The following IGF2R variants were observed in gnomAD, a reference collection of about 807,000 sequenced individuals.
IGF2R encodes cation-independent mannose-6-phosphate receptor.
Under a neutral mutation model 270.6 loss-of-function variants are expected in IGF2R, and 91 were observed. That is an observed-to-expected ratio of 0.34 (90% CI 0.28 to 0.40). IGF2R has a LOEUF of 0.40. Among genes scored for constraint, IGF2R ranks in the 10% least tolerant of loss-of-function variants. IGF2R has a pLI of 1.00. For missense variants in IGF2R, 2,805 were observed against 3,188.3 expected (o/e 0.88, Z 2.90); for synonymous variants, 1,316 against 1,258.9 (o/e 1.05, Z -0.96).
At chr6:159,991,153 A>G (rs1357731100) in intron 1 of IGF2R, 31 bp from the exon 2 acceptor site, 1 of 1,580,320 alleles carries the variant, frequency 6.3e-7, no homozygotes, top group Non-Finnish European at 8.6e-7. Context: ...TAAATCAGTG[A>G]CATTGACAAG....
chr6:160,078,972 A>C (rs2115281101), intron 37 of IGF2R, among the ~76,000 whole-genome samples: 1 of 152,248 alleles, frequency 6.6e-6, no homozygotes, highest in Middle Eastern at 3.4e-3. Flanking sequence ...CTAGATATCT[A>C]GATGTTACCA....
At chr6:159,986,755 T>G (rs1279116546) in intron 1 of IGF2R, among the ~76,000 whole-genome samples, 1 of 145,828 alleles carries the variant, frequency 6.9e-6, no homozygotes, top group African/African-American at 2.5e-5. Context: ...TTTTTTTTTC[T>G]GTTGGCTTTT....
chr6:160,054,483 C>T (rs1237711981), intron 19 of IGF2R, among the ~76,000 whole-genome samples: 1 of 152,020 alleles, frequency 6.6e-6, no homozygotes, highest in Non-Finnish European at 1.5e-5. Context: ...GTTGTCAGAA[C>T]CACAAAAAGG....
Position 160,048,426 on chromosome 6 carries a change from C to T in IGF2R, c.2397C>T (p.Asn799=). The part of the protein sequence containing the change: ...GLGGNWYAMD[N]SGEHVTWRKY... The stretch of plus-strand genomic sequence containing the variant: ...GAGGAAACTGGTATGCCATGGACAA[C>T]TCAGGGGAACATGTCACGTGGAGGA... Residue 799 remains asparagine, a synonymous_variant, in exon 18 of 48, where the codon AAC becomes AAT. Transcript: ENST00000356956. 4 of 1,614,228 alleles carry T rather than the reference C, an allele frequency of 2.5e-6. No individual in the cohort carries two copies. Among genetic ancestry groups the T allele is most frequent in the Non-Finnish European group, 3.4e-6 (4 of 1,180,030 alleles).
At chr6:160,089,047 G>A (rs540218615) in intron 42 of IGF2R, 60 bp from the exon 43 acceptor site, 4 of 1,556,086 alleles carry the variant, frequency 2.6e-6, no homozygotes, top group Non-Finnish European at 3.5e-6. Context: ...TCATTGTTTT[G>A]CAGTCTTCCC....
chr6:160,021,842 A>G (rs1421858086), intron 4 of IGF2R, among the ~76,000 whole-genome samples: 1 of 152,204 alleles, frequency 6.6e-6, no homozygotes, highest in Non-Finnish European at 1.5e-5. Context: ...AAAGAACTAA[A>G]AATAGAACTA....
rs1391406550 is a variant in IGF2R at position 160,104,933 on chromosome 6, C to A, written c.7325C>A (p.Ala2442Asp). Reference protein sequence around the residue: ...SHPVRNAQSNALQEREDDRVG... With the variant: ...SHPVRNAQSNDLQEREDDRVG... ...CCAGTGAGAAACGCACAGAGCAATGCCCTTCAGGAGCGTGAGGACGATAGG... is the reference window on the plus strand; with the variant it reads ...CCAGTGAGAAACGCACAGAGCAATGACCTTCAGGAGCGTGAGGACGATAGG... The change falls in exon 48 of 48, where the codon GCC (alanine) becomes GAC (aspartate). Residue 2442 changes from alanine to aspartate, a missense_variant. This residue lies in a region of IGF2R where 1,851 missense variants were observed against 2,207.2 expected (regional missense o/e 0.84). Transcript: ENST00000356956. 8 of 1,614,114 alleles carry A rather than the reference C, an allele frequency of 5.0e-6. No individual in the cohort carries two copies. The East Asian group carries it at 1.6e-4, about 31-fold the overall frequency.
At chr6:160,075,773 A>G in intron 35 of IGF2R, 74 bp from the exon 36 acceptor site, 2 of 1,508,744 alleles carry the variant, frequency 1.3e-6, no homozygotes, top group Non-Finnish European at 1.8e-6. Context: ...GCAATTCTGT[A>G]TCAATTCTTA....
intron 41 of IGF2R, among the ~76,000 whole-genome samples, chr6:160,086,372 G>A (rs1157283919): frequency 6.6e-6 from 1 of 152,178 alleles, no homozygotes; most frequent in East Asian, 1.9e-4. Flanking sequence ...AGCATCTAAG[G>A]ACAACCACGG....
chr6:159,988,803 C>T (rs576600399), intron 1 of IGF2R, among the ~76,000 whole-genome samples: 3 of 152,208 alleles, frequency 2.0e-5, no homozygotes, highest in South Asian at 4.2e-4. Context: ...CTGGAATATA[C>T]ACTCCGAGAG....
At chr6:160,017,039 CTAGT>C (rs1164530472) in intron 4 of IGF2R, among the ~76,000 whole-genome samples, 10 of 152,032 alleles carry the variant, frequency 6.6e-5, no homozygotes, top group African/African-American at 2.2e-4. Context: ...GCTTGAAATA[CTAGT>C]TAAAGAATTC....
At chr6:159,972,706 G>C (rs1336938931) in intron 1 of IGF2R, among the ~76,000 whole-genome samples, 1 of 152,248 alleles carries the variant, frequency 6.6e-6, no homozygotes, top group Non-Finnish European at 1.5e-5. Context: ...ATGGGGTGCG[G>C]TTCCTGGTGC....
At chr6:160,022,251 G>A (rs778185052) in intron 4 of IGF2R, among the ~76,000 whole-genome samples, 2 of 152,162 alleles carry the variant, frequency 1.3e-5, no homozygotes, top group Non-Finnish European at 2.9e-5. Context: ...TGAGAGGGTG[G>A]GAGGGCAGTG....
chr6:160,061,536 T>G lies in IGF2R; in HGVS notation c.3296T>G (p.Leu1099Arg). The change falls in exon 24 of 48, where the codon CTA becomes CGA. Residue 1099 changes from leucine to arginine, a missense_variant. Around this residue, in one of 2 missense-constraint regions of IGF2R, gnomAD observed 1,851 missense variants for 2,207.2 expected, o/e 0.84. Coordinates refer to ENST00000356956, the MANE Select transcript of IGF2R (RefSeq NM_000876.4). ...LAGNEYDLTG[L>R]STVRKPWTAV... is the part of the protein sequence containing the mutation. ...GGAAATGAGTACGACCTGACTGGCC[T>G]AAGCACAGTCAGGAAACCTTGGACG... is the stretch of plus-strand genomic sequence containing the variant. 1 of 1,614,172 alleles carries G rather than the reference T, an allele frequency of 6.2e-7. No homozygotes were observed. The highest frequency in any genetic ancestry group is 8.5e-7 in the Non-Finnish European group (1 of 1,180,008).
intron 1 of IGF2R, among the ~76,000 whole-genome samples, chr6:159,984,931 A>G (rs1382005750): frequency 6.6e-6 from 1 of 152,238 alleles, no homozygotes; most frequent in Non-Finnish European, 1.5e-5. Context: ...TTTTACAACT[A>G]ATTTATAAAT....
chr6:160,060,138 T>C (rs1222258501), intron 22 of IGF2R, among the ~76,000 whole-genome samples: 1 of 152,162 alleles, frequency 6.6e-6, no homozygotes, highest in Non-Finnish European at 1.5e-5. Context: ...AGTGAGTGTG[T>C]AAACCTGTCA....
At position 160,061,940 on chromosome 6, in the gene IGF2R, G is replaced by T; in HGVS notation, c.3582+12G>T. The T allele has an allele frequency of 1.2e-6, 2 of 1,612,082 alleles. No homozygotes were observed. The highest frequency in any genetic ancestry group is 2.2e-5 in the South Asian group (2 of 91,004). On this transcript the variant is annotated intron_variant, in intron 25 of 47. Transcript: ENST00000356956. ...GTGCTCAGATATCGGTGTGTGTTCA[G>T]ACCAGCAATGAGATGTTGTCCCCGG...
intron 1 of IGF2R, among the ~76,000 whole-genome samples, chr6:159,989,747 G>T (rs1485918504): frequency 1.3e-5 from 2 of 152,182 alleles, no homozygotes; most frequent in African/African-American, 4.8e-5. Flanking sequence ...TTTGCATTTT[G>T]CAAGGACATT....
At chr6:160,099,611 C>T (rs1009163751) in intron 45 of IGF2R, among the ~76,000 whole-genome samples, 1 of 152,198 alleles carries the variant, frequency 6.6e-6, no homozygotes, top group Admixed American at 6.5e-5. Context: ...TTGTGATCCG[C>T]CTGCCTCAGC....
Sources: gnomAD v4.1 joint callset for allele counts (sites outside exome capture counted in the v4.1 genomes callset) on GRCh38, gnomAD v4.1.1 for gene constraint, gnomAD v4.1.1 regional missense constraint, MANE v1.5 for transcripts, NCBI Gene and HGNC (gene_info 2026-07-23, HGNC 2026-07-21) for gene names.